The following EDNRA variants were observed in gnomAD, a reference collection of about 807,000 sequenced individuals.
EDNRA encodes the protein endothelin receptor type A, also known as endothelin-1 receptor.
In EDNRA, 11 loss-of-function variants were observed where a neutral mutation model predicts 41.4. The observed-to-expected ratio is 0.27, with a 90% CI of 0.17 to 0.44. EDNRA has a LOEUF of 0.44. Ranked by LOEUF, EDNRA falls within the 20% of genes least tolerant of loss-of-function variation. The pLI, the probability that EDNRA is intolerant of heterozygous loss-of-function variation, is 1.00. For synonymous variants in EDNRA, 172 were observed against 183.0 expected, an observed-to-expected ratio of 0.94 and a Z score of 0.49; for missense variants, 294 against 531.0, an observed-to-expected ratio of 0.55 and a Z score of 4.39.
At chr4:147,488,141 C>T (rs1175581236) in intron 2 of EDNRA, 1 of 152,218 alleles carries the variant, frequency 6.6e-6, no homozygotes, top group Non-Finnish European at 1.5e-5. Context: ...ATTTATAACT[C>T]CCTGCTGCTG....
At chr4:147,493,752 A>G (rs908207299) in intron 2 of EDNRA, 5 of 152,180 alleles carry the variant, frequency 3.3e-5, no homozygotes, top group African/African-American at 1.2e-4. Flanking sequence ...TTATGTTTCA[A>G]TTTGAACATC....
At chr4:147,514,673 C>A (rs981293016) in intron 2 of EDNRA, among the ~76,000 whole-genome samples, 10 of 152,078 alleles carry the variant, frequency 6.6e-5, no homozygotes, top group Non-Finnish European at 2.9e-5. Flanking sequence ...AGGGTTTCAC[C>A]ACGTTGGCCA....
chr4:147,515,522 A>G (rs1021369526), intron 2 of EDNRA, among the ~76,000 whole-genome samples: 1 of 152,166 alleles, frequency 6.6e-6, no homozygotes, highest in African/African-American at 2.4e-5. Flanking sequence ...ATTAATGAAC[A>G]GCTCTGGATG....
At chr4:147,510,317 T>A (rs1214495768) in intron 2 of EDNRA, among the ~76,000 whole-genome samples, 1 of 152,174 alleles carries the variant, frequency 6.6e-6, no homozygotes, top group East Asian at 1.9e-4. Flanking sequence ...CTCAAATTTG[T>A]ATATTTTTTG....
rs1560910593 is a variant in EDNRA, at chr4:147,523,465, T to TG, written c.548+3487_548+3488insG. ...AGTCTGTTTTGTTGGGTGTTTGTTT[T>TG]TTTTTGTTGTTGTTGTTTTTTTGTT... is the stretch of plus-strand genomic sequence containing the variant. On this transcript the variant is annotated intron_variant, in intron 3 of 7. Coordinates refer to ENST00000651419, the MANE Select transcript of EDNRA (RefSeq NM_001957.4). Among the ~76,000 whole-genome samples, 440 of 139,446 alleles carry TG rather than the reference T, an allele frequency of 3.2e-3. 1 individual carries two copies. The highest frequency in any genetic ancestry group is 0.013 in the African/African-American group (421 of 31,684). The allele number at this position is 139,446 out of a possible 152,430, so 91.5% of individuals were successfully genotyped here.
intron 4 of EDNRA, among the ~76,000 whole-genome samples, chr4:147,534,186 C>A (rs898232214): frequency 3.9e-5 from 6 of 152,148 alleles, no homozygotes; most frequent in Admixed American, 3.9e-4. Context: ...GCTGTTTCTG[C>A]ATCATTTATA....
At chr4:147,527,884 G>A (rs1214801481) in intron 3 of EDNRA, among the ~76,000 whole-genome samples, 1 of 152,210 alleles carries the variant, frequency 6.6e-6, no homozygotes, top group Non-Finnish European at 1.5e-5. Context: ...GGCAGAGGAT[G>A]CGACAAGATG....
At position 147,486,321 on chromosome 4, in the gene EDNRA, G is replaced by A. The variant is rs1728944816; in HGVS notation, c.420+220G>A. On this transcript the variant is annotated intron_variant, in intron 2 of 7. Transcript: ENST00000651419. This position sits in a 1 kb window ranked among gnomAD's most constrained non-coding sequence, Gnocchi z 4.3. ...TTAATTGTAACAAAATAGTATTTCA[G>A]GGATGATGGTTCAAAATCATGGTGT... Among the ~76,000 whole-genome samples the A allele has an allele frequency of 6.6e-6, 1 of 152,120 alleles. No individual in the cohort carries two copies. The highest frequency in any genetic ancestry group is 2.4e-5 in the African/African-American group (1 of 41,420).
intron 2 of EDNRA, among the ~76,000 whole-genome samples, chr4:147,502,307 A>T (rs1448155640): frequency 6.6e-6 from 1 of 152,204 alleles, no homozygotes; most frequent in Non-Finnish European, 1.5e-5. Context: ...TTGTCAGTGG[A>T]TTCTATACAC....
chr4:147,509,491 A>G (rs944561243), intron 2 of EDNRA, among the ~76,000 whole-genome samples: 4 of 152,066 alleles, frequency 2.6e-5, no homozygotes, highest in Non-Finnish European at 4.4e-5. Flanking sequence ...GGGGTCCTCA[A>G]CCCCCAGGCT....
At chr4:147,503,924 C>T (rs1272412547) in intron 2 of EDNRA, among the ~76,000 whole-genome samples, 3 of 151,862 alleles carry the variant, frequency 2.0e-5, no homozygotes, top group Admixed American at 6.6e-5. Context: ...TAAATGTTAA[C>T]ATAAATGATA....
At chr4:147,523,966 T>C (rs952817442) in intron 3 of EDNRA, among the ~76,000 whole-genome samples, 4 of 152,076 alleles carry the variant, frequency 2.6e-5, no homozygotes, top group Non-Finnish European at 5.9e-5. Context: ...ATTCAGTCAT[T>C]TGAGGGGCTT....
chr4:147,519,597 T>G lies in EDNRA; in HGVS notation c.421-254T>G, dbSNP rs912715662. On this transcript the variant is annotated intron_variant, in intron 2 of 7. Coordinates refer to ENST00000651419, the MANE Select transcript of EDNRA (RefSeq NM_001957.4). This position sits in a 1 kb window ranked among gnomAD's most constrained non-coding sequence, Gnocchi z 4.1. ...TATATTGATTTTTATGTATTAAATATATATCACAATATATTCATGTTACTA... is the reference window on the plus strand; with the variant it reads ...TATATTGATTTTTATGTATTAAATAGATATCACAATATATTCATGTTACTA... Among the ~76,000 whole-genome samples the G allele has an allele frequency of 6.7e-6, 1 of 149,896 alleles. No homozygotes were observed. The highest frequency in any genetic ancestry group is 1.5e-5 in the Non-Finnish European group (1 of 67,580).
intron 3 of EDNRA, among the ~76,000 whole-genome samples, chr4:147,528,961 C>T (rs574416275): frequency 6.3e-4 from 96 of 152,230 alleles, no homozygotes; most frequent in Admixed American, 1.9e-3. Flanking sequence ...TATGTTCTGA[C>T]GTAACAGCCT....
At position 147,519,870 on chromosome 4, in the gene EDNRA, CT is replaced by C; in HGVS notation, c.444del (p.Phe148LeufsTer54). The C allele has an allele frequency of 6.2e-7, 1 of 1,613,508 alleles. No individual in the cohort carries two copies. Among genetic ancestry groups the C allele is most frequent in the Non-Finnish European group, 8.5e-7 (1 of 1,179,670 alleles). On this transcript the variant is annotated frameshift_variant, in exon 3 of 8. Coordinates refer to ENST00000651419, the MANE Select transcript of EDNRA (RefSeq NM_001957.4). LOFTEE classifies it high-confidence loss of function. The surrounding 1 kb of genome is among the most constrained non-coding windows in gnomAD (Gnocchi z 4.1). ...TTTCAGCTGCTGGCTGGGCGCTGGC[CT>C]TTTGATCACAATGACTTTGGCGTAT... ...NVFKLLAGRW[P>X]FDHNDFGVFL...
intron 3 of EDNRA, among the ~76,000 whole-genome samples, chr4:147,528,819 G>A (rs1730646893): frequency 6.6e-6 from 1 of 152,114 alleles, no homozygotes; most frequent in Non-Finnish European, 1.5e-5. Context: ...AACTGCAATT[G>A]AGTAAAAACC....
chr4:147,528,412 C>T (rs760432192), intron 3 of EDNRA, among the ~76,000 whole-genome samples: 3 of 145,052 alleles, frequency 2.1e-5, no homozygotes, highest in African/African-American at 5.2e-5. Context: ...GGCTGGAGTG[C>T]AGTGCCATGA....
At chr4:147,493,649 T>C (rs1729213949) in intron 2 of EDNRA, 1 of 152,188 alleles carries the variant, frequency 6.6e-6, no homozygotes, top group Non-Finnish European at 1.5e-5. Context: ...CTAGTTTTTA[T>C]TGGAAAAACT....
In EDNRA at chr4:147,543,384, T is replaced by C. The variant is rs1432583974; in HGVS notation, c.*766T>C. 1 of 152,240 alleles carries C rather than the reference T, an allele frequency of 6.6e-6. No homozygotes were observed. 9.4% of individuals were successfully genotyped at this position (152,240 alleles called of 1,614,324 possible). A position where few individuals can be genotyped will look rare whatever the true frequency, so the allele number is the denominator to read the frequency against. On this transcript the variant is annotated 3_prime_UTR_variant, in exon 8 of 8. Transcript: ENST00000651419. ...ATTTTATTTTTTAAATGGTGTTTTA[T>C]TACAAGGGACCTTGAACATGTTTTG...
Sources: gnomAD v4.1 joint callset for allele counts (sites outside exome capture counted in the v4.1 genomes callset) on GRCh38, gnomAD v4.1.1 for gene constraint, Gnocchi (gnomAD v3.1) non-coding constraint, MANE v1.5 for transcripts, NCBI Gene and HGNC (gene_info 2026-07-23, HGNC 2026-07-21) for gene names.